The following SPATA31H1 variants were observed in gnomAD, a reference collection of about 807,000 sequenced individuals.
SPATA31H1 encodes the protein SPATA31 subfamily H member 1.
the SPATA31H1 span, chr2:27,582,525 T>C: frequency 6.3e-7 from 1 of 1,596,144 alleles, no homozygotes; most frequent in South Asian, 1.1e-5. Flanking sequence ...AGCTACTCGA[T>C]GAGGCGAGGT....
chr2:27,569,142 A>G, the SPATA31H1 span: 17 of 398,996 alleles, frequency 4.3e-5, no homozygotes, highest in Middle Eastern at 1.3e-3. Flanking sequence ...CCAACTTGGA[A>G]AAGCAATGGG....
the SPATA31H1 span, chr2:27,580,399 C>G: frequency 6.2e-7 from 1 of 1,614,010 alleles, no homozygotes; most frequent in Non-Finnish European, 8.5e-7. Context: ...GAAAAACGGG[C>G]TAAAGTGAGA....
the SPATA31H1 span, among the ~76,000 whole-genome samples, chr2:27,549,272 G>A: frequency 1.3e-5 from 2 of 151,892 alleles, no homozygotes; most frequent in East Asian, 3.9e-4. Context: ...CATAGGTGAT[G>A]ATAATCATCA....
the SPATA31H1 span, among the ~76,000 whole-genome samples, chr2:27,546,366 T>C: frequency 6.6e-6 from 1 of 151,932 alleles, no homozygotes; most frequent in Non-Finnish European, 1.5e-5. Context: ...AAATTACTTT[T>C]TGTGTATGGT....
the SPATA31H1 span, among the ~76,000 whole-genome samples, chr2:27,564,043 AGATTTAC>A: frequency 6.6e-5 from 10 of 152,116 alleles, no homozygotes; most frequent in Non-Finnish European, 1.2e-4. Context: ...ATTTCCAAGG[AGATTTAC>A]ATTTACTTTC....
chr2:27,559,738 T>TTGATAA, the SPATA31H1 span, among the ~76,000 whole-genome samples: 15 of 152,184 alleles, frequency 9.9e-5, no homozygotes, highest in African/African-American at 3.6e-4. Flanking sequence ...AGTAAGCCCA[T>TTGATAA]CCATTTCAGT....
At chr2:27,566,260 A>G in the SPATA31H1 span, 12 of 713,588 alleles carry the variant, frequency 1.7e-5, no homozygotes. Context: ...TGAAACTTCA[A>G]TTACATTGAC....
At chr2:27,541,020 TG>T in the SPATA31H1 span, among the ~76,000 whole-genome samples, 1 of 131,548 alleles carries the variant, frequency 7.6e-6, no homozygotes, top group Non-Finnish European at 1.6e-5. Flanking sequence ...CTCGGCACTT[TG>T]GGGGGCCAAG....
chr2:27,561,260 A>T, the SPATA31H1 span, among the ~76,000 whole-genome samples: 1 of 152,148 alleles, frequency 6.6e-6, no homozygotes, highest in Non-Finnish European at 1.5e-5. Flanking sequence ...TGAGCTTGGG[A>T]GGCAGAGGTT....
the SPATA31H1 span, chr2:27,537,411 A>G: frequency 2.8e-6 from 2 of 716,478 alleles, no homozygotes; most frequent in South Asian, 3.0e-5. Context: ...GGCTGAGAAG[A>G]GCATGGGGTT....
chr2:27,565,997 A>C, the SPATA31H1 span: 13 of 716,132 alleles, frequency 1.8e-5, no homozygotes, highest in Middle Eastern at 2.5e-3. Flanking sequence ...AATGATCATG[A>C]TCATCAATAG....
chr2:27,551,374 A>G, the SPATA31H1 span, among the ~76,000 whole-genome samples: 1 of 152,008 alleles, frequency 6.6e-6, no homozygotes, highest in African/African-American at 2.4e-5. Context: ...ACCTCGTTAT[A>G]TGAGAGACAC....
the SPATA31H1 span, chr2:27,574,148 G>A: frequency 5.0e-5 from 20 of 398,466 alleles, no homozygotes; most frequent in South Asian, 1.1e-3. Context: ...CTTCTGAGTC[G>A]ATACCGAAGA....
chr2:27,580,788 A>G, the SPATA31H1 span: 2 of 1,614,228 alleles, frequency 1.2e-6, no homozygotes, highest in South Asian at 2.2e-5. Flanking sequence ...AAGCAGTATC[A>G]AAAGAGACAA....
the SPATA31H1 span, among the ~76,000 whole-genome samples, chr2:27,551,297 C>T: frequency 6.6e-6 from 1 of 151,872 alleles, no homozygotes; most frequent in Admixed American, 6.6e-5. Flanking sequence ...CTAATATTGT[C>T]CTTATTAGAT....
the SPATA31H1 span, chr2:27,571,882 C>T: frequency 7.5e-6 from 3 of 398,356 alleles, no homozygotes; most frequent in African/African-American, 6.2e-5. Context: ...GAAGTAAAAT[C>T]TGTGGATTTA....
At chr2:27,567,553 C>T in the SPATA31H1 span, 1 of 403,270 alleles carries the variant, frequency 2.5e-6, no homozygotes, top group Non-Finnish European at 4.4e-6. Flanking sequence ...CTTTCACAGT[C>T]ACTTATCTCA....
chr2:27,563,908 G>T, the SPATA31H1 span, among the ~76,000 whole-genome samples: 1 of 151,126 alleles, frequency 6.6e-6, no homozygotes, highest in Non-Finnish European at 1.5e-5. Flanking sequence ...GTAGAGACAG[G>T]GTCTCACTAT....
the SPATA31H1 span, among the ~76,000 whole-genome samples, chr2:27,558,875 T>A: frequency 1.0e-5 from 1 of 96,906 alleles, no homozygotes; most frequent in Non-Finnish European, 1.9e-5. Context: ...TGGCTCGGCA[T>A]CAGAGGGAGA....
Sources: gnomAD v4.1 joint callset for allele counts (sites outside exome capture counted in the v4.1 genomes callset) on GRCh38, gnomAD v4.1.1 for gene constraint, MANE v1.5 for transcripts, NCBI Gene and HGNC (gene_info 2026-07-23, HGNC 2026-07-21) for gene names.